The following TNNI3K variants were observed in gnomAD, a reference collection of about 807,000 sequenced individuals.
TNNI3K encodes the protein serine/threonine-protein kinase TNNI3K.
A neutral mutation model predicts 114.5 loss-of-function variants in TNNI3K; 140 were observed. The ratio of observed to expected loss-of-function variants is 1.22; its 90% confidence interval spans 1.07 to 1.41. The LOEUF (loss-of-function observed/expected upper bound fraction) is 1.41. TNNI3K is among the 40% of genes most tolerant of loss of function. TNNI3K has a pLI of 0.00. For missense variants in TNNI3K, 1,125 were observed against 1,007.6 expected, an observed-to-expected ratio of 1.12 and a Z score of -1.58; for synonymous variants, 347 against 347.5, an observed-to-expected ratio of 1.00 and a Z score of 0.02.
At chr1:74,237,107 A>T (rs1653902994) in intron 2 of TNNI3K, among the ~76,000 whole-genome samples, 1 of 151,944 alleles carries the variant, frequency 6.6e-6, no homozygotes, top group Non-Finnish European at 1.5e-5. Flanking sequence ...AAATAAAATC[A>T]CCCATGTATA....
intron 23 of TNNI3K, among the ~76,000 whole-genome samples, chr1:74,516,906 A>C (rs1210246376): frequency 2.6e-5 from 4 of 152,224 alleles, no homozygotes; most frequent in Non-Finnish European, 4.4e-5. Context: ...ACAATTGTTA[A>C]CTACATGATA....
At chr1:74,255,769 A>T (rs947978668) in intron 4 of TNNI3K, among the ~76,000 whole-genome samples, 4 of 152,322 alleles carry the variant, frequency 2.6e-5, no homozygotes, top group Middle Eastern at 3.4e-3. Context: ...AAGTTCCCTC[A>T]TGCCATTTTG....
chr1:74,311,958 A>G (rs1188824155), intron 5 of TNNI3K, among the ~76,000 whole-genome samples: 2 of 152,200 alleles, frequency 1.3e-5, no homozygotes, highest in East Asian at 3.8e-4. Flanking sequence ...AACATTATAA[A>G]GTTAACAGCC....
chr1:74,313,588 A>T (rs1335354428), intron 5 of TNNI3K, among the ~76,000 whole-genome samples: 2 of 152,066 alleles, frequency 1.3e-5, no homozygotes, highest in Non-Finnish European at 2.9e-5. Flanking sequence ...TGCCTGCTGG[A>T]CTATAGTAGT....
chr1:74,343,207 A>C, intron 9 of TNNI3K, 28 bp downstream of exon 9: 1 of 1,585,718 alleles, frequency 6.3e-7, no homozygotes, highest in Non-Finnish European at 8.6e-7. Flanking sequence ...TGCAATAGCC[A>C]CTAAACTTAG....
At chr1:74,485,432 A>C (rs1668706676) in intron 21 of TNNI3K, among the ~76,000 whole-genome samples, 1 of 152,140 alleles carries the variant, frequency 6.6e-6, no homozygotes, top group African/African-American at 2.4e-5. Flanking sequence ...TAGAATTTAC[A>C]CACAGACTCC....
intron 4 of TNNI3K, among the ~76,000 whole-genome samples, chr1:74,258,678 T>C (rs1055658764): frequency 1.3e-5 from 2 of 152,192 alleles, no homozygotes; most frequent in Non-Finnish European, 2.9e-5. Flanking sequence ...CCATTGCCTA[T>C]ATAATGACAT....
chr1:74,368,120 A>G (rs1004084420), intron 13 of TNNI3K, among the ~76,000 whole-genome samples, 156 bp downstream of exon 13: 1 of 151,874 alleles, frequency 6.6e-6, no homozygotes, highest in African/African-American at 2.4e-5. Context: ...AATTAACCTT[A>G]CCCTTTATCT....
chr1:74,375,238 AACTGAG>A (rs1230732092), intron 17 of TNNI3K: 4 of 158,320 alleles, frequency 2.5e-5, no homozygotes, highest in African/African-American at 9.6e-5. Context: ...CAAAAACTAC[AACTGAG>A]AAAATTATGA....
intron 5 of TNNI3K, among the ~76,000 whole-genome samples, chr1:74,327,370 A>G (rs538277631): frequency 6.7e-5 from 10 of 148,714 alleles, no homozygotes; most frequent in African/African-American, 2.4e-4. Flanking sequence ...TAGTTCTTTG[A>G]TAATAATACT....
At chr1:74,539,989 T>C (rs2100463151) in intron 23 of TNNI3K, among the ~76,000 whole-genome samples, 1 of 152,274 alleles carries the variant, frequency 6.6e-6, no homozygotes, top group Non-Finnish European at 1.5e-5. Context: ...TCAGAAAGGA[T>C]GGCATACCCA....
At chr1:74,475,669 T>C in intron 21 of TNNI3K, 1 of 715,298 alleles carries the variant, frequency 1.4e-6, no homozygotes, top group Non-Finnish European at 2.6e-6. Flanking sequence ...TCCCTTAGTG[T>C]GGTAATTTCT....
At chr1:74,312,242 A>T (rs939301011) in intron 5 of TNNI3K, among the ~76,000 whole-genome samples, 1 of 152,232 alleles carries the variant, frequency 6.6e-6, no homozygotes, top group Non-Finnish European at 1.5e-5. Context: ...ATAAATCACT[A>T]TCAGTCTCAT....
At chr1:74,537,771 G>T (rs1172616190) in intron 23 of TNNI3K, among the ~76,000 whole-genome samples, 8 of 152,102 alleles carry the variant, frequency 5.3e-5, no homozygotes, top group African/African-American at 1.4e-4. Context: ...TTCTAGAGGG[G>T]TATGGAAGAG....
chr1:74,454,810 G>A (rs985895359), intron 20 of TNNI3K, among the ~76,000 whole-genome samples: 1 of 152,072 alleles, frequency 6.6e-6, no homozygotes, highest in African/African-American at 2.4e-5. Context: ...CTCCATCTCA[G>A]TGACTGTACA....
At chr1:74,503,205 C>T (rs1669724560) in intron 23 of TNNI3K, among the ~76,000 whole-genome samples, 1 of 151,952 alleles carries the variant, frequency 6.6e-6, no homozygotes, top group Non-Finnish European at 1.5e-5. Flanking sequence ...TTTTTCAGGG[C>T]CAGAAATGAA....
chr1:74,297,828 C>A (rs947956065), intron 5 of TNNI3K, among the ~76,000 whole-genome samples: 1 of 152,096 alleles, frequency 6.6e-6, no homozygotes, highest in African/African-American at 2.4e-5. Flanking sequence ...CACATAGCAT[C>A]ACTTTTATTG....
intron 11 of TNNI3K, 25 bp downstream of exon 11, chr1:74,354,154 T>C: frequency 6.2e-7 from 1 of 1,613,582 alleles, no homozygotes; most frequent in Non-Finnish European, 8.5e-7. Flanking sequence ...ATCGTGTCTC[T>C]ATAGTGATAC....
chr1:74,308,296 A>G (rs928307224), intron 5 of TNNI3K, among the ~76,000 whole-genome samples: 1 of 152,122 alleles, frequency 6.6e-6, no homozygotes, highest in Non-Finnish European at 1.5e-5. Context: ...CAAAAAACTG[A>G]AACTATACCA....
Sources: allele counts gnomAD v4.1 joint callset (sites outside exome capture counted in the v4.1 genomes callset), GRCh38; gene constraint gnomAD v4.1.1; transcripts MANE v1.5; gene names NCBI Gene and HGNC (gene_info 2026-07-23, HGNC 2026-07-21).